Variants in AADACL3 observed in about 807,000 individuals in gnomAD.
AADACL3 encodes arylacetamide deacetylase-like 3.
A neutral mutation model predicts 13.6 loss-of-function variants in AADACL3; 13 were observed. The observed-to-expected ratio is 0.95, with a 90% CI of 0.62 to 1.52. AADACL3 has a LOEUF of 1.52. Among genes scored for constraint, AADACL3 ranks in the 40% most tolerant of loss-of-function variants. AADACL3 has a pLI of 0.00. For synonymous variants in AADACL3, 195 were observed against 197.0 expected (o/e 0.99, Z 0.08); for missense variants, 519 against 499.2 (o/e 1.04, Z -0.38).
intron 1 of AADACL3, among the ~76,000 whole-genome samples, 185 bp downstream of exon 1, chr1:12,716,529 T>C (rs1249963879): frequency 6.6e-6 from 1 of 152,224 alleles, no homozygotes; most frequent in African/African-American, 2.4e-5. Context: ...TGGGTGTTTC[T>C]GAAGCTGGCC....
At position 12,719,483 on chromosome 1, in the gene AADACL3, A is replaced by G; in HGVS notation, c.177A>G (p.Ile59Met). The change falls in exon 2 of 4, where the codon ATA (isoleucine) becomes ATG (methionine). Residue 59 changes from isoleucine (I) to methionine (M), a missense_variant. By Grantham distance (10) the Ile-to-Met change is conservative (BLOSUM62 1). Transcript: ENST00000359318. ...IFQLLLTWGM[I>M]FEKLRICSMP... ...TCTTCTCTCTCCAACAGGGGATGAT[A>G]TTTGAGAAGCTCAGAATCTGTTCTA... 1 of 1,613,828 alleles carries G rather than the reference A, an allele frequency of 6.2e-7. No homozygotes were observed. The highest frequency in any genetic ancestry group is 2.2e-5 in the East Asian group (1 of 44,882).
intron 1 of AADACL3, among the ~76,000 whole-genome samples, chr1:12,717,084 T>C (rs1648453422): frequency 6.6e-6 from 1 of 152,362 alleles, no homozygotes; most frequent in Admixed American, 6.5e-5. Context: ...TGACAGAAAC[T>C]GAATATACAA....
At chr1:12,719,449 C>T (rs982595404) in intron 1 of AADACL3, 26 bp from the exon 2 acceptor site, 1 of 1,601,948 alleles carries the variant, frequency 6.2e-7, no homozygotes, top group Admixed American at 1.7e-5. Context: ...CCCATCTCGA[C>T]CCATCATTTC....
chr1:12,716,298 TG>T lies in AADACL3; in HGVS notation c.123del (p.Lys42AsnfsTer2), dbSNP rs1648431555. On this transcript the variant is annotated frameshift_variant, in exon 1 of 4. Transcript: ENST00000359318. LOFTEE classifies it high-confidence loss of function. Reference sequence around the variant, plus strand: ...ATCCCTGCAGCGGTTGGCCACCCTGTGAAACTGAGAGTCCTCCATTGCATCT... The same window carrying T: ...ATCCCTGCAGCGGTTGGCCACCCTGTAAACTGAGAGTCCTCCATTGCATCT... ...VHIPAAVGHP[V>X]KLRVLHCIFQ... The T allele has an allele frequency of 6.2e-7, 1 of 1,614,166 alleles. No homozygotes were observed.
chr1:12,717,111 T>G (rs1053203868), intron 1 of AADACL3, among the ~76,000 whole-genome samples: 1 of 152,236 alleles, frequency 6.6e-6, no homozygotes, highest in Non-Finnish European at 1.5e-5. Context: ...TTTTGTAAGT[T>G]TCTTACATAA....
chr1:12,720,236 A>T (rs2100210054), intron 2 of AADACL3, among the ~76,000 whole-genome samples: 1 of 152,288 alleles, frequency 6.6e-6, no homozygotes, highest in East Asian at 1.9e-4. Flanking sequence ...GAATTAGGGG[A>T]GAGGAAACAC....
At chr1:12,723,838 C>G (rs1638313044) in intron 3 of AADACL3, among the ~76,000 whole-genome samples, 1 of 145,508 alleles carries the variant, frequency 6.9e-6, no homozygotes, top group African/African-American at 2.6e-5. Flanking sequence ...GGTTGGAGTG[C>G]AAGAGCGCGA....
chr1:12,728,398 T>C lies in AADACL3; in HGVS notation c.*2402T>C, dbSNP rs1486876672. On this transcript the variant is annotated 3_prime_UTR_variant, in exon 4 of 4. Coordinates refer to ENST00000359318, the MANE Select transcript of AADACL3 (RefSeq NM_001103170.3). ...TAAAAGTTACATTTCCACTATATTA[T>C]AGTTTATTAAGTGTGCAATAGCATT... The C allele has an allele frequency of 6.6e-6, 1 of 152,236 alleles. No homozygotes were observed. Among genetic ancestry groups the C allele is most frequent in the African/African-American group, 2.4e-5 (1 of 41,464 alleles). 9.4% of individuals were successfully genotyped at this position (152,236 alleles called of 1,614,324 possible).
At chr1:12,717,645 T>C (rs779338531) in intron 1 of AADACL3, among the ~76,000 whole-genome samples, 8 of 152,124 alleles carry the variant, frequency 5.3e-5, no homozygotes, top group African/African-American at 1.9e-4. Flanking sequence ...GTCCAGGCAG[T>C]GGGCAGCGGG....
Position 12,726,813 on chromosome 1 carries a change from T to C in AADACL3, c.*817T>C, listed in dbSNP as rs1638379705. On this transcript the variant is annotated 3_prime_UTR_variant, in exon 4 of 4. Transcript: ENST00000359318. ...TCTAACCAGATAACCCTGTCCACAGTGCAAAGTCAAGACAGCCAAAGGAAC... is the reference window on the plus strand; with the variant it reads ...TCTAACCAGATAACCCTGTCCACAGCGCAAAGTCAAGACAGCCAAAGGAAC... 6.6e-6 allele frequency: 1 copy of C among 152,214 alleles called. No individual in the cohort carries two copies. 9.4% of individuals were successfully genotyped at this position (152,214 alleles called of 1,614,324 possible).
rs1203139971 is a variant in AADACL3 at position 12,725,730 on chromosome 1, G to C, written c.958G>C (p.Asp320His). The change falls in exon 4 of 4, where the codon GAT (aspartate) becomes CAT (histidine). Residue 320 changes from aspartate to histidine, a missense_variant. By Grantham distance (81) the Asp-to-His change is moderately conservative (BLOSUM62 -1). Transcript: ENST00000359318. ...AAYLEVSVVLDVMCSPLIAED... is the reference protein window; with the variant it reads ...AAYLEVSVVLHVMCSPLIAED... ...TTACTTGGAAGTAAGTGTTGTCCTG[G>C]ATGTGATGTGCTCGCCCCTGATTGC... 1 of 1,614,052 alleles carries C rather than the reference G, an allele frequency of 6.2e-7. No homozygotes were observed. The highest frequency in any genetic ancestry group is 8.5e-7 in the Non-Finnish European group (1 of 1,180,032).
chr1:12,719,545 C>A lies in AADACL3; in HGVS notation c.239C>A (p.Pro80Gln). ...QFFCFMQDLP[P>Q]LKYDPDVVVT... ...TTCTGTTTCATGCAAGATCTGCCTC[C>A]GCTAAAGTATGACCCCGATGTTGTG... The change falls in exon 2 of 4, where the codon CCG becomes CAG. Residue 80 changes from proline to glutamine, a missense_variant. Pro to Gln is a moderately conservative substitution (Grantham distance 76). Transcript: ENST00000359318. The A allele has an allele frequency of 1.2e-6, 2 of 1,614,146 alleles. No individual in the cohort carries two copies. Among genetic ancestry groups the A allele is most frequent in the Non-Finnish European group, 1.7e-6 (2 of 1,179,988 alleles).
intron 1 of AADACL3, among the ~76,000 whole-genome samples, chr1:12,718,477 G>T (rs981430103): frequency 6.6e-6 from 1 of 152,016 alleles, no homozygotes; most frequent in Admixed American, 6.6e-5. Context: ...CAGAGGGAGA[G>T]CCCTCTTTAT....
rs1396142981 is a variant in AADACL3 at position 12,725,575 on chromosome 1, T to C, written c.803T>C (p.Met268Thr). The change falls in exon 4 of 4, where the codon ATG becomes ACG. Residue 268 changes from methionine to threonine, a missense_variant. Physicochemically the swap from Met to Thr is moderately conservative, Grantham distance 81. Transcript: ENST00000359318. Reference sequence around the variant, plus strand: ...AGCTCCTCCTGGCAAGAGGTCATCATGAAAGGTGCCCATTTGCCTGCTGAA... The same window carrying C: ...AGCTCCTCCTGGCAAGAGGTCATCACGAAAGGTGCCCATTTGCCTGCTGAA... ...DFSSSWQEVI[M>T]KGAHLPAEVW... 1.9e-6 allele frequency: 3 copies of C among 1,613,950 alleles called. No individual in the cohort carries two copies. Among genetic ancestry groups the C allele is most frequent in the Non-Finnish European group, 2.5e-6 (3 of 1,180,018 alleles).
Position 12,722,810 on chromosome 1 carries a change from G to A in AADACL3, c.449+1864G>A, listed in dbSNP as rs182704887. On this transcript the variant is annotated intron_variant, in intron 3 of 3. Transcript: ENST00000359318. ...CCATGGTGTTGAGTGTGCATAGCTT[G>A]TTTGGAAGAGTGCTGTGTATCTCTG... Among the ~76,000 whole-genome samples, 516 of 152,052 alleles carry A rather than the reference G, an allele frequency of 3.4e-3. 2 individuals carry two copies. Among genetic ancestry groups the A allele is most frequent in the Non-Finnish European group, 5.1e-3 (350 of 68,000 alleles).
chr1:12,727,637 C>T lies in AADACL3; in HGVS notation c.*1641C>T, dbSNP rs1638396500. On this transcript the variant is annotated 3_prime_UTR_variant, in exon 4 of 4. Coordinates refer to ENST00000359318, the MANE Select transcript of AADACL3 (RefSeq NM_001103170.3). ...ACTTGCTTTCAGTTGAATATTTGGG[C>T]TGAACTATGAGGCAGAGAGGAATCC... 1 of 152,222 alleles carries T rather than the reference C, an allele frequency of 6.6e-6. No homozygotes were observed. The highest frequency in any genetic ancestry group is 1.5e-5 in the Non-Finnish European group (1 of 68,050). 9.4% of individuals were successfully genotyped at this position (152,222 alleles called of 1,614,324 possible). A position where few individuals can be genotyped will look rare whatever the true frequency, so the allele number is the denominator to read the frequency against.
Position 12,725,374 on chromosome 1 carries a change from T to C in AADACL3, c.602T>C (p.Val201Ala), listed in dbSNP as rs371549479. Residue 201 changes from valine to alanine, a missense_variant, in exon 4 of 4, where the codon GTG becomes GCG. Transcript: ENST00000359318. ...GDSFGGAIAA[V>A]VCQQLVDRPD... is the part of the protein sequence containing the mutation. Reference sequence around the variant, plus strand: ...AGTTTCGGAGGGGCAATAGCCGCAGTGGTTTGTCAACAACTTGTGGACAGG... The same window carrying C: ...AGTTTCGGAGGGGCAATAGCCGCAGCGGTTTGTCAACAACTTGTGGACAGG... 131 of 1,614,060 alleles carry C rather than the reference T, an allele frequency of 8.1e-5. No homozygotes were observed. Among genetic ancestry groups the C allele is most frequent in the Non-Finnish European group, 9.7e-5 (114 of 1,180,024 alleles).
intron 1 of AADACL3, among the ~76,000 whole-genome samples, chr1:12,717,338 G>C (rs1344944095): frequency 6.6e-6 from 1 of 152,058 alleles, no homozygotes; most frequent in Non-Finnish European, 1.5e-5. Flanking sequence ...TGTAGTCCAG[G>C]CTCCCAAATA....
At position 12,725,767 on chromosome 1, in the gene AADACL3, T is replaced by C. The variant is rs1181318472; in HGVS notation, c.995T>C (p.Ile332Thr). The change falls in exon 4 of 4, where the codon ATA becomes ACA. Residue 332 changes from isoleucine to threonine, a missense_variant. Transcript: ENST00000359318. ...MCSPLIAEDD[I>T]VSQLPETCIV... Reference sequence around the variant, plus strand: ...TCGCCCCTGATTGCAGAAGATGACATAGTGTCTCAGCTCCCGGAAACCTGC... The same window carrying C: ...TCGCCCCTGATTGCAGAAGATGACACAGTGTCTCAGCTCCCGGAAACCTGC... 1.2e-6 allele frequency: 2 copies of C among 1,614,096 alleles called. No homozygotes were observed. The highest frequency in any genetic ancestry group is 1.7e-5 in the Admixed American group (1 of 60,008).
Sources: allele counts gnomAD v4.1 joint callset (sites outside exome capture counted in the v4.1 genomes callset), GRCh38; gene constraint gnomAD v4.1.1; transcripts MANE v1.5; gene names NCBI Gene and HGNC (gene_info 2026-07-23, HGNC 2026-07-21).